Variants in CHMP7 observed in about 807,000 individuals in gnomAD.
CHMP7 encodes charged multivesicular body protein 7.
In CHMP7, 15 loss-of-function variants were observed where a neutral mutation model predicts 53.7. That is an observed-to-expected ratio of 0.28 (90% CI 0.19 to 0.43). The LOEUF (loss-of-function observed/expected upper bound fraction) is 0.43, where lower values mean the gene tolerates loss of function less well. Ranked by LOEUF, CHMP7 falls within the 20% of genes least tolerant of loss-of-function variation. The pLI is 1.00. For missense variants in CHMP7, 527 were observed against 569.4 expected, an observed-to-expected ratio of 0.93 and a Z score of 0.76; for synonymous variants, 261 against 228.0, an observed-to-expected ratio of 1.14 and a Z score of -1.30.
Position 23,260,910 on chromosome 8 carries a change from A to C in CHMP7, c.*311A>C. The C allele has an allele frequency of 2.5e-6, 1 of 403,054 alleles. No individual in the cohort carries two copies. Among genetic ancestry groups the C allele is most frequent in the Non-Finnish European group, 4.5e-6 (1 of 223,974 alleles). 25.0% of individuals were successfully genotyped at this position (403,054 alleles called of 1,614,324 possible). A position where few individuals can be genotyped will look rare whatever the true frequency, so the allele number is the denominator to read the frequency against. ...CATTGGCACACTTAGATTTGTCTTC[A>C]CCCACCAGCTTCGTTCCAGCCCATG... On this transcript the variant is annotated 3_prime_UTR_variant, in exon 11 of 11. Transcript: ENST00000397677.
chr8:23,244,693 C>T (rs1197228218), intron 1 of CHMP7, among the ~76,000 whole-genome samples: 1 of 152,166 alleles, frequency 6.6e-6, no homozygotes, highest in East Asian at 1.9e-4. Context: ...ATGATTTTCA[C>T]TGGGATTTCA....
chr8:23,261,725 T>C lies in CHMP7; in HGVS notation c.*1126T>C, dbSNP rs1233626789. 1 of 152,650 alleles carries C rather than the reference T, an allele frequency of 6.6e-6. No individual in the cohort carries two copies. The highest frequency in any genetic ancestry group is 1.5e-5 in the Non-Finnish European group (1 of 68,096). 9.5% of individuals were successfully genotyped at this position (152,650 alleles called of 1,614,324 possible). The stretch of plus-strand genomic sequence containing the variant: ...GGGGACAGACGGGAAAGGGTCTGAA[T>C]GCTCTGGCAATGGCGAGAAGAAGCG... On this transcript the variant is annotated 3_prime_UTR_variant, in exon 11 of 11. Transcript: ENST00000397677.
chr8:23,255,144 G>C, intron 3 of CHMP7, 103 bp from the exon 4 acceptor site: 1 of 1,176,164 alleles, frequency 8.5e-7, no homozygotes, highest in Non-Finnish European at 1.2e-6. Flanking sequence ...TGGGATTCCC[G>C]GGTGCTTGCC....
chr8:23,251,529 G>C (rs1435719983), intron 3 of CHMP7, among the ~76,000 whole-genome samples: 1 of 152,152 alleles, frequency 6.6e-6, no homozygotes, highest in Non-Finnish European at 1.5e-5. Flanking sequence ...ATGGGCCCTG[G>C]GACCCTGGGA....
At chr8:23,256,395 G>A (rs4439140) in intron 4 of CHMP7, 65 bp from the exon 5 acceptor site, 441,985 of 1,112,212 alleles carry the variant, frequency 0.4, 91,580 homozygotes, top group Non-Finnish European at 0.42. Flanking sequence ...CACCACCAGC[G>A]CTCCTGGTTG....
At chr8:23,260,007 C>T in intron 9 of CHMP7, 137 bp from the exon 10 acceptor site, 1 of 653,948 alleles carries the variant, frequency 1.5e-6, no homozygotes, top group Non-Finnish European at 2.6e-6. Context: ...CTCCTGACTT[C>T]CGGGATTTTT....
rs938899868 is a variant in CHMP7, at chr8:23,250,291, C to T, written c.471+910C>T. Among the ~76,000 whole-genome samples the T allele has an allele frequency of 5.9e-5, 9 of 152,020 alleles. 1 individual carries two copies. Among genetic ancestry groups the T allele is most frequent in the African/African-American group, 2.2e-4 (9 of 41,476 alleles). On this transcript the variant is annotated intron_variant, in intron 3 of 10. Coordinates refer to ENST00000397677, the MANE Select transcript of CHMP7 (RefSeq NM_152272.5). Reference sequence around the variant, plus strand: ...CAAGCCTGACCTCCTCAGAGCCCACCTCCTCCTGTGCTCAGAGTGTAGTGT... The same window carrying T: ...CAAGCCTGACCTCCTCAGAGCCCACTTCCTCCTGTGCTCAGAGTGTAGTGT...
At chr8:23,256,686 G>A (rs1410951957) in intron 5 of CHMP7, 93 bp downstream of exon 5, 3 of 955,372 alleles carry the variant, frequency 3.1e-6, no homozygotes, top group Non-Finnish European at 4.4e-6. Flanking sequence ...TAAAAAATAG[G>A]TGGGTTTTTT....
intron 5 of CHMP7, among the ~76,000 whole-genome samples, chr8:23,257,083 T>C (rs908079429): frequency 4.7e-5 from 7 of 147,564 alleles, no homozygotes; most frequent in Non-Finnish European, 7.5e-5. Flanking sequence ...TGAGCCACCG[T>C]GCCCGGCCTT....
At chr8:23,248,136 A>G (rs959579187) in intron 2 of CHMP7, 16 of 456,176 alleles carry the variant, frequency 3.5e-5, no homozygotes, top group Non-Finnish European at 5.3e-5. Context: ...GAGATGGCAT[A>G]CAGTGGAAAC....
At chr8:23,251,069 C>G (rs1801911418) in intron 3 of CHMP7, among the ~76,000 whole-genome samples, 2 of 152,188 alleles carry the variant, frequency 1.3e-5, no homozygotes, top group South Asian at 2.1e-4. Context: ...TTGGGTGGTT[C>G]TGGGCCAAGC....
rs144509387 is a variant in CHMP7, at chr8:23,254,377, C to A, written c.472-870C>A. On this transcript the variant is annotated intron_variant, in intron 3 of 10. Transcript: ENST00000397677. Reference sequence around the variant, plus strand: ...TCTTATCCCATCTGTTTATTATGTACTTTTCTTTGTTTTTTGTTTTGTTTT... The same window carrying A: ...TCTTATCCCATCTGTTTATTATGTAATTTTCTTTGTTTTTTGTTTTGTTTT... Among the ~76,000 whole-genome samples the A allele has an allele frequency of 7.5e-4, 114 of 152,092 alleles. 1 individual carries two copies. Among genetic ancestry groups the A allele is most frequent in the African/African-American group, 2.6e-3 (109 of 41,496 alleles).
intron 3 of CHMP7, 110 bp downstream of exon 3, chr8:23,249,491 C>T: frequency 1.2e-6 from 1 of 814,816 alleles, no homozygotes; most frequent in Non-Finnish European, 1.9e-6. Flanking sequence ...TACATGGCTA[C>T]TGAGTTGATA....
chr8:23,256,382 G>A (rs1802124873), intron 4 of CHMP7, 78 bp from the exon 5 acceptor site: 2 of 941,428 alleles, frequency 2.1e-6, no homozygotes, highest in Non-Finnish European at 3.5e-6. Context: ...GTTCTCACAT[G>A]CCCACCACCA....
rs1044872583 is a variant in CHMP7 at position 23,246,392 on chromosome 8, G to C, written c.-304G>C. 2.2e-5 allele frequency: 9 copies of C among 413,390 alleles called. No homozygotes were observed. The highest frequency in any genetic ancestry group is 1.0e-4 in the African/African-American group (5 of 48,726). 25.6% of individuals were successfully genotyped at this position (413,390 alleles called of 1,614,324 possible). A position where few individuals can be genotyped will look rare whatever the true frequency, so the allele number is the denominator to read the frequency against. ...CGAACTCCAGAATCTTGAAGGAGAC[G>C]TAAGGTGCAGCCACCTGCCGCGCAG... On this transcript the variant is annotated 5_prime_UTR_variant, in exon 2 of 11. Coordinates refer to ENST00000397677, the MANE Select transcript of CHMP7 (RefSeq NM_152272.5).
chr8:23,257,277 G>A (rs1468373801), intron 5 of CHMP7, among the ~76,000 whole-genome samples: 1 of 151,478 alleles, frequency 6.6e-6, no homozygotes, highest in East Asian at 2.0e-4. Context: ...TTAATTTTTT[G>A]TTGAGATGGG....
At chr8:23,253,689 A>G (rs1323454735) in intron 3 of CHMP7, among the ~76,000 whole-genome samples, 1 of 152,154 alleles carries the variant, frequency 6.6e-6, no homozygotes, top group East Asian at 1.9e-4. Context: ...ATAGCATCAC[A>G]TCCACCAGTC....
chr8:23,256,855 C>G (rs1442760923), intron 5 of CHMP7, among the ~76,000 whole-genome samples: 2 of 135,420 alleles, frequency 1.5e-5, no homozygotes, highest in South Asian at 2.3e-4. Context: ...TGCAGTGGTG[C>G]GATCTCGGCT....
Position 23,256,560 on chromosome 8 carries a change from G to A in CHMP7, c.758G>A (p.Arg253His), listed in dbSNP as rs748059267. The change falls in exon 5 of 11, where the codon CGC becomes CAC. Residue 253 changes from arginine (R) to histidine (H), a missense_variant. Transcript: ENST00000397677. ...QLMQSEQLLS[R>H]KVESLSQEAE... ...ATGCAGAGTGAACAGCTTCTCTCACGCAAAGTGGAGTCCTTATCCCAGGAA... is the reference window on the plus strand; with the variant it reads ...ATGCAGAGTGAACAGCTTCTCTCACACAAAGTGGAGTCCTTATCCCAGGAA... 1.5e-5 allele frequency: 25 copies of A among 1,613,724 alleles called. No individual in the cohort carries two copies. The highest frequency in any genetic ancestry group is 6.6e-5 in the South Asian group (6 of 91,080).
Sources: gnomAD v4.1 joint callset for allele counts (sites outside exome capture counted in the v4.1 genomes callset) on GRCh38, gnomAD v4.1.1 for gene constraint, MANE v1.5 for transcripts, NCBI Gene and HGNC (gene_info 2026-07-23, HGNC 2026-07-21) for gene names.